The following CLEC16A variants were observed in gnomAD, a reference collection of about 807,000 sequenced individuals.
CLEC16A encodes the protein protein CLEC16A.
A neutral mutation model predicts 109.5 loss-of-function variants in CLEC16A; 51 were observed. The ratio of observed to expected loss-of-function variants is 0.47; its 90% confidence interval spans 0.37 to 0.59. The LOEUF is 0.59. CLEC16A is among the 20% of genes least tolerant of loss of function. The probability of loss-of-function intolerance (pLI) is 0.00; values close to 1 mark genes in which losing one functional copy is unlikely to be tolerated. For synonymous variants in CLEC16A, 673 were observed against 564.2 expected, an observed-to-expected ratio of 1.19 and a Z score of -2.73; for missense variants, 1,339 against 1,394.0, an observed-to-expected ratio of 0.96 and a Z score of 0.63.
chr16:11,099,424 A>G (rs1459833936), intron 19 of CLEC16A, among the ~76,000 whole-genome samples: 4 of 152,290 alleles, frequency 2.6e-5, no homozygotes, highest in African/African-American at 9.6e-5. Flanking sequence ...TCAGTCGTGG[A>G]TAGCAAGACA....
intron 1 of CLEC16A, among the ~76,000 whole-genome samples, chr16:10,952,673 CTG>C (rs748677613): frequency 1.3e-5 from 2 of 152,230 alleles, no homozygotes; most frequent in Non-Finnish European, 2.9e-5. Flanking sequence ...TCCTAAAACA[CTG>C]TGTAAAACGG....
At position 11,133,979 on chromosome 16, in the gene CLEC16A, TGC is replaced by T. The variant is rs1412920982; in HGVS notation, c.2641+7834_2641+7835del. Among the ~76,000 whole-genome samples the T allele has an allele frequency of 5.3e-5, 8 of 152,274 alleles. No homozygotes were observed. In the East Asian group the frequency reaches 1.5e-3, roughly 29 times the overall value. ...TTTTATAAAGCAAAATTTATTGAGC[TGC>T]TAAGCACTTTATGCATTATTCTTGT... On this transcript the variant is annotated intron_variant, in intron 22 of 23. Transcript: ENST00000409790.
At chr16:11,093,098 C>T (rs1428765012) in intron 19 of CLEC16A, among the ~76,000 whole-genome samples, 1 of 152,228 alleles carries the variant, frequency 6.6e-6, no homozygotes, top group Admixed American at 6.5e-5. Flanking sequence ...CTCCACTTCC[C>T]TGCTGGCTCC....
rs114988388 is a variant in CLEC16A at position 11,115,112 on chromosome 16, C to T, written c.2117-5503C>T. ...AGGCAGCCAGGCTCTATGAGGGAGT[C>T]GCACTGCCTGGGACAAACCCCATTG... On this transcript the variant is annotated intron_variant, in intron 19 of 23. Transcript: ENST00000409790. Among the ~76,000 whole-genome samples the T allele has an allele frequency of 9.4e-3, 1,425 of 152,238 alleles. 22 individuals carry two copies. Among genetic ancestry groups the T allele is most frequent in the African/African-American group, 0.033 (1,354 of 41,532 alleles).
chr16:11,145,855 C>G (rs2153072397), intron 22 of CLEC16A, among the ~76,000 whole-genome samples: 1 of 152,342 alleles, frequency 6.6e-6, no homozygotes, highest in East Asian at 1.9e-4. Flanking sequence ...TACTTAGATT[C>G]TTCGCTGGCT....
chr16:11,148,055 C>T (rs1280247104), intron 22 of CLEC16A, among the ~76,000 whole-genome samples: 1 of 152,156 alleles, frequency 6.6e-6, no homozygotes, highest in Non-Finnish European at 1.5e-5. Flanking sequence ...GATAAGTTTG[C>T]ATTTCATACC....
chr16:11,132,602 G>A (rs1466517126), intron 22 of CLEC16A, among the ~76,000 whole-genome samples: 3 of 152,168 alleles, frequency 2.0e-5, no homozygotes, highest in Non-Finnish European at 4.4e-5. Context: ...TAGGTCATGT[G>A]ACAATCTAAC....
chr16:11,150,468 C>T (rs1463097090), intron 22 of CLEC16A, among the ~76,000 whole-genome samples: 6 of 152,176 alleles, frequency 3.9e-5, no homozygotes, highest in African/African-American at 1.4e-4. Context: ...TCATCCTAGT[C>T]TTTTTCTATC....
chr16:11,000,226 G>T (rs1418586379), intron 10 of CLEC16A, among the ~76,000 whole-genome samples: 1 of 152,186 alleles, frequency 6.6e-6, no homozygotes, highest in Non-Finnish European at 1.5e-5. Flanking sequence ...TGAGGCCTAG[G>T]ACAGGCCAGC....
At chr16:10,956,183 G>T (rs1241142158) in intron 1 of CLEC16A, among the ~76,000 whole-genome samples, 5 of 152,046 alleles carry the variant, frequency 3.3e-5, no homozygotes, top group Non-Finnish European at 5.9e-5. Flanking sequence ...GTTTTTTGAG[G>T]GCTCTTCTAA....
Position 11,051,504 on chromosome 16 carries a change from C to A in CLEC16A, c.1867-9C>A. The A allele has an allele frequency of 6.2e-7, 1 of 1,610,346 alleles. No homozygotes were observed. ...TCTGCTTTGAGGTTTCCTGTAATGT[C>A]TCTTCTAGATGAAGCCCATGAACGT... On this transcript the variant is annotated splice_polypyrimidine_tract_variant and intron_variant, in intron 17 of 23. Transcript: ENST00000409790.
chr16:11,178,808 C>T lies in CLEC16A; in HGVS notation c.*118C>T, dbSNP rs2068868009. The T allele has an allele frequency of 1.4e-6, 1 of 731,770 alleles. No individual in the cohort carries two copies. The highest frequency in any genetic ancestry group is 2.2e-6 in the Non-Finnish European group (1 of 463,348). 45.3% of individuals were successfully genotyped at this position (731,770 alleles called of 1,614,324 possible). A position where few individuals can be genotyped will look rare whatever the true frequency, so the allele number is the denominator to read the frequency against. ...TCTGTGCGGCCCCCAGCAGCCATCT[C>T]AACCACCTATCCCTGCGCTCCCTTG... On this transcript the variant is annotated 3_prime_UTR_variant, in exon 24 of 24. Transcript: ENST00000409790. The surrounding 1 kb of genome is among the most constrained non-coding windows in gnomAD (Gnocchi z 6.5).
intron 23 of CLEC16A, among the ~76,000 whole-genome samples, chr16:11,175,899 A>C (rs1254436542): frequency 6.6e-6 from 1 of 152,252 alleles, no homozygotes; most frequent in African/African-American, 2.4e-5. Flanking sequence ...TGCAGACTTG[A>C]GCAAAGAGAG....
At chr16:11,075,815 G>A (rs1312172930) in intron 19 of CLEC16A, among the ~76,000 whole-genome samples, 1 of 152,128 alleles carries the variant, frequency 6.6e-6, no homozygotes, top group African/African-American at 2.4e-5. Flanking sequence ...CTGCCTATCA[G>A]TGTTTAGCAC....
intron 22 of CLEC16A, among the ~76,000 whole-genome samples, chr16:11,133,466 T>C (rs2053364760): frequency 6.6e-6 from 1 of 152,104 alleles, no homozygotes; most frequent in African/African-American, 2.4e-5. Context: ...GAGCACTTAA[T>C]AGTTCCGTGG....
At chr16:11,082,299 G>A (rs554428947) in intron 19 of CLEC16A, among the ~76,000 whole-genome samples, 1 of 152,272 alleles carries the variant, frequency 6.6e-6, no homozygotes, top group South Asian at 2.1e-4. Flanking sequence ...TCTCACCCCT[G>A]CAGGGCCAGG....
chr16:10,948,878 G>A (rs755073564), intron 1 of CLEC16A, among the ~76,000 whole-genome samples: 9 of 152,232 alleles, frequency 5.9e-5, no homozygotes, highest in Non-Finnish European at 1.2e-4. Flanking sequence ...GCATTCCTGA[G>A]GAAAAAGAGA....
intron 20 of CLEC16A, 73 bp downstream of exon 20, chr16:11,120,839 CCA>C (rs1555494149): frequency 9.3e-6 from 9 of 965,972 alleles, no homozygotes; most frequent in South Asian, 3.0e-5. Context: ...CACACACACA[CCA>C]CACACAATTG....
chr16:10,946,949 C>G (rs950885905), intron 1 of CLEC16A, among the ~76,000 whole-genome samples: 18 of 152,244 alleles, frequency 1.2e-4, no homozygotes, highest in Non-Finnish European at 2.5e-4. Context: ...CTGAATAAAA[C>G]TTCCCAATAA....
Sources: allele counts gnomAD v4.1 joint callset (sites outside exome capture counted in the v4.1 genomes callset), GRCh38; gene constraint gnomAD v4.1.1; non-coding constraint Gnocchi (gnomAD v3.1); transcripts MANE v1.5; gene names NCBI Gene and HGNC (gene_info 2026-07-23, HGNC 2026-07-21).